The following ARK2C variants were observed in gnomAD, a reference collection of about 807,000 sequenced individuals.
ARK2C encodes E3 ubiquitin-protein ligase ARK2C.
the ARK2C span, among the ~76,000 whole-genome samples, chr18:46,362,330 G>A: frequency 1.3e-5 from 2 of 152,206 alleles, no homozygotes; most frequent in South Asian, 2.1e-4. Context: ...CTGTCTCAGG[G>A]CCTGCTAGGT....
At chr18:46,382,842 A>T in the ARK2C span, among the ~76,000 whole-genome samples, 1 of 152,182 alleles carries the variant, frequency 6.6e-6, no homozygotes, top group African/African-American at 2.4e-5. Flanking sequence ...GCATCTGAGC[A>T]GCTTGGTCAC....
the ARK2C span, among the ~76,000 whole-genome samples, chr18:46,427,081 G>C: frequency 1.3e-5 from 2 of 152,224 alleles, no homozygotes; most frequent in Non-Finnish European, 2.9e-5. Context: ...GGCCCCAGGG[G>C]GCAAGGTGGA....
At chr18:46,438,014 G>A in the ARK2C span, among the ~76,000 whole-genome samples, 3 of 152,228 alleles carry the variant, frequency 2.0e-5, no homozygotes, top group East Asian at 5.8e-4. Context: ...CACTCGTAGG[G>A]CCAGATTCTG....
At chr18:46,343,462 G>A in the ARK2C span, among the ~76,000 whole-genome samples, 2 of 152,130 alleles carry the variant, frequency 1.3e-5, no homozygotes, top group Admixed American at 1.3e-4. Context: ...GAAACAAGTC[G>A]AGAAGCCAGC....
At chr18:46,374,312 A>G in the ARK2C span, among the ~76,000 whole-genome samples, 3 of 152,278 alleles carry the variant, frequency 2.0e-5, no homozygotes, top group African/African-American at 7.2e-5. Context: ...CAGTTTAGTG[A>G]TATTAGCAGC....
the ARK2C span, among the ~76,000 whole-genome samples, chr18:46,338,085 A>G: frequency 2.0e-5 from 3 of 152,260 alleles, no homozygotes; most frequent in South Asian, 6.2e-4. Flanking sequence ...TTAACTAGCA[A>G]TCTTGTAGCA....
At chr18:46,347,143 G>A in the ARK2C span, among the ~76,000 whole-genome samples, 19,721 of 152,264 alleles carry the variant, frequency 0.13, 1,623 homozygotes, top group South Asian at 0.2. Context: ...CGAGGAGGAA[G>A]AGCTGTAGCT....
chr18:46,363,945 C>CTTTTTTT, the ARK2C span, among the ~76,000 whole-genome samples: 5 of 125,578 alleles, frequency 4.0e-5, no homozygotes, highest in African/African-American at 9.3e-5. Context: ...TTTTTCTTTT[C>CTTTTTTT]TTTTTTTTTT....
At chr18:46,384,469 ACTTT>A in the ARK2C span, among the ~76,000 whole-genome samples, 5 of 152,086 alleles carry the variant, frequency 3.3e-5, no homozygotes, top group Non-Finnish European at 5.9e-5. Flanking sequence ...TCTGGTGGCG[ACTTT>A]CTTTCCTCCC....
the ARK2C span, chr18:46,459,985 C>A: frequency 2.0e-5 from 3 of 152,630 alleles, no homozygotes; most frequent in Non-Finnish European, 4.4e-5. Flanking sequence ...ATCAATCAAC[C>A]CAACACCACA....
At chr18:46,412,149 C>T in the ARK2C span, among the ~76,000 whole-genome samples, 3 of 152,364 alleles carry the variant, frequency 2.0e-5, no homozygotes, top group Admixed American at 6.5e-5. Flanking sequence ...GCCCCCTCCC[C>T]TCAAGGTTTA....
the ARK2C span, among the ~76,000 whole-genome samples, chr18:46,454,017 G>A: frequency 6.7e-6 from 1 of 149,802 alleles, no homozygotes; most frequent in Non-Finnish European, 1.5e-5. Context: ...GGAAGCTGAG[G>A]TGGGAGGATT....
the ARK2C span, chr18:46,459,354 ACT>A: frequency 6.6e-6 from 1 of 152,270 alleles, no homozygotes; most frequent in South Asian, 2.1e-4. Context: ...TCCTTCTGAC[ACT>A]CACACTCCCT....
the ARK2C span, among the ~76,000 whole-genome samples, chr18:46,409,866 G>A: frequency 7.2e-5 from 11 of 152,094 alleles, no homozygotes; most frequent in African/African-American, 2.2e-4. Context: ...TGGACATTTC[G>A]TTGTTTCCAG....
the ARK2C span, among the ~76,000 whole-genome samples, chr18:46,444,637 CA>C: frequency 6.7e-6 from 1 of 149,048 alleles, no homozygotes; most frequent in South Asian, 2.1e-4. Context: ...CTAATTTAAA[CA>C]TTTTTTTTTT....
At chr18:46,421,620 T>A in the ARK2C span, among the ~76,000 whole-genome samples, 1 of 152,244 alleles carries the variant, frequency 6.6e-6, no homozygotes, top group African/African-American at 2.4e-5. Context: ...TGTCCCATTA[T>A]GCACAGAGGT....
chr18:46,342,752 CTA>C, the ARK2C span, among the ~76,000 whole-genome samples: 79 of 152,274 alleles, frequency 5.2e-4, no homozygotes, highest in Middle Eastern at 3.4e-3. Flanking sequence ...CAAATTGTAT[CTA>C]TGTTGTTTCA....
the ARK2C span, among the ~76,000 whole-genome samples, chr18:46,340,426 AC>A: frequency 6.6e-6 from 1 of 152,170 alleles, no homozygotes; most frequent in African/African-American, 2.4e-5. Flanking sequence ...TTCATTGAAT[AC>A]TTACTTGGGG....
At chr18:46,375,553 C>CTAATAA in the ARK2C span, among the ~76,000 whole-genome samples, 225 of 137,870 alleles carry the variant, frequency 1.6e-3, 2 homozygotes, top group East Asian at 5.4e-3. Flanking sequence ...GACTCTGTCT[C>CTAATAA]TAATAATAAT....
Sources: allele counts gnomAD v4.1 joint callset (sites outside exome capture counted in the v4.1 genomes callset), GRCh38; gene constraint gnomAD v4.1.1; transcripts MANE v1.5; gene names NCBI Gene and HGNC (gene_info 2026-07-23, HGNC 2026-07-21).